Variants in NOS1 observed in about 807,000 individuals in gnomAD.
NOS1 encodes the protein nitric oxide synthase 1.
Under a neutral mutation model 164.5 loss-of-function variants are expected in NOS1, and 51 were observed. The ratio of observed to expected loss-of-function variants is 0.31; its 90% CI spans 0.25 to 0.39. NOS1 has a LOEUF of 0.39. Ranked by LOEUF, NOS1 falls within the 10% of genes least tolerant of loss-of-function variation. The probability of loss-of-function intolerance (pLI) is 1.00; values close to 1 mark genes in which losing one functional copy is unlikely to be tolerated. For synonymous variants in NOS1, 719 were observed against 745.8 expected (o/e 0.96, Z 0.59); for missense variants, 1,362 against 1,885.6 (o/e 0.72, Z 5.14).
intron 22 of NOS1, among the ~76,000 whole-genome samples, chr12:117,229,555 C>A (rs1315176786): frequency 2.2e-5 from 3 of 137,422 alleles, no homozygotes; most frequent in Non-Finnish European, 4.7e-5. Context: ...TGGGTTATAT[C>A]AAATTCTTCT....
At position 117,254,861 on chromosome 12, in the gene NOS1, A is replaced by G. The variant is rs146035485; in HGVS notation, c.2532-1107T>C. On this transcript the variant is annotated intron_variant, in intron 16 of 28. Coordinates refer to ENST00000317775, the MANE Select transcript of NOS1 (RefSeq NM_000620.5). ...GGACAGTGCTGGAGTATCCCATTCA[A>G]TACTGTCCTTCCATAAAGTTATGGT... is the stretch of plus-strand genomic sequence containing the variant. 7.6e-4 allele frequency among the ~76,000 whole-genome samples: 115 copies of G among 152,312 alleles called. 1 individual carries two copies. Among genetic ancestry groups the G allele is most frequent in the Middle Eastern group, 3.4e-3 (1 of 294 alleles).
intron 2 of NOS1, 106 bp from the exon 3 acceptor site, chr12:117,311,698 A>C: frequency 4.0e-6 from 5 of 1,248,966 alleles, no homozygotes; most frequent in Non-Finnish European, 5.5e-6. Context: ...TAGCTCACTC[A>C]CATAACTCCA....
chr12:117,326,984 T>G (rs1179054416), intron 2 of NOS1, among the ~76,000 whole-genome samples: 1 of 152,168 alleles, frequency 6.6e-6, no homozygotes, highest in Non-Finnish European at 1.5e-5. Flanking sequence ...GAGGGTGCAC[T>G]GGGATCCTCT....
At chr12:117,256,103 A>G in intron 16 of NOS1, 1 of 818,222 alleles carries the variant, frequency 1.2e-6, no homozygotes, top group Non-Finnish European at 1.8e-6. Flanking sequence ...ACCTGCTGGG[A>G]GGCCATCTAG....
At chr12:117,345,239 T>G (rs1222769796) in intron 1 of NOS1, among the ~76,000 whole-genome samples, 2 of 152,124 alleles carry the variant, frequency 1.3e-5, no homozygotes, top group African/African-American at 2.4e-5. Flanking sequence ...GCCAGGCTGG[T>G]CTCAAACCCC....
intron 14 of NOS1, among the ~76,000 whole-genome samples, chr12:117,259,600 T>C (rs1411700521): frequency 6.6e-6 from 1 of 152,176 alleles, no homozygotes; most frequent in Non-Finnish European, 1.5e-5. Context: ...AAGTCTGAGA[T>C]ATCTGCCTTC....
intron 18 of NOS1, among the ~76,000 whole-genome samples, chr12:117,244,962 T>C (rs997417667): frequency 4.6e-5 from 7 of 152,152 alleles, no homozygotes; most frequent in Non-Finnish European, 7.4e-5. Flanking sequence ...CCTTGCTTCC[T>C]GGTTGCTCAG....
At chr12:117,217,858 C>T (rs1007416719) in intron 28 of NOS1, among the ~76,000 whole-genome samples, 188 bp downstream of exon 28, 4 of 152,218 alleles carry the variant, frequency 2.6e-5, no homozygotes, top group Non-Finnish European at 2.9e-5. Flanking sequence ...CTGCTGCATC[C>T]TAACTCCTGA....
intron 3 of NOS1, among the ~76,000 whole-genome samples, chr12:117,303,234 G>T (rs1873942022): frequency 6.6e-6 from 1 of 152,128 alleles, no homozygotes; most frequent in African/African-American, 2.4e-5. Flanking sequence ...AGGCCAGTTG[G>T]TGTCATCCTG....
intron 20 of NOS1, among the ~76,000 whole-genome samples, chr12:117,235,296 A>G (rs1342415423): frequency 6.6e-6 from 1 of 152,112 alleles, no homozygotes; most frequent in Non-Finnish European, 1.5e-5. Context: ...CCTAGGGTTC[A>G]TCTGGATCTG....
chr12:117,283,878 A>AAAG (rs1873891682), intron 7 of NOS1, among the ~76,000 whole-genome samples: 1 of 148,968 alleles, frequency 6.7e-6, no homozygotes, highest in Admixed American at 6.7e-5. Context: ...AAAAAAAAAA[A>AAAG]GGAAATCCAC....
intron 3 of NOS1, among the ~76,000 whole-genome samples, chr12:117,308,000 T>TAAC (rs1874239617): frequency 6.6e-6 from 1 of 150,890 alleles, no homozygotes; most frequent in Non-Finnish European, 1.5e-5. Context: ...CAATAAATAA[T>TAAC]AATAATAATA....
intron 8 of NOS1, 80 bp downstream of exon 8, chr12:117,280,645 G>T: frequency 7.0e-7 from 1 of 1,425,094 alleles, no homozygotes; most frequent in Non-Finnish European, 9.5e-7. Flanking sequence ...TGTGATGATA[G>T]CATTAAGCCC....
chr12:117,294,959 C>T lies in NOS1; in HGVS notation c.853-4533G>A, dbSNP rs138165347. Among the ~76,000 whole-genome samples the T allele has an allele frequency of 5.3e-5, 8 of 152,320 alleles. No homozygotes were observed. The East Asian group carries it at 1.4e-3, about 26-fold the overall frequency. ...GAAGGAATGAAAGGAAATGGTCCTG[C>T]AGCCAGGCTCAAAAGGAGGCAGGGA... is the stretch of plus-strand genomic sequence containing the variant. On this transcript the variant is annotated intron_variant, in intron 3 of 28. Transcript: ENST00000317775.
Position 117,214,625 on chromosome 12 carries a change from C to T in NOS1, c.*684G>A. 1.0e-6 allele frequency: 1 copy of T among 985,408 alleles called. No individual in the cohort carries two copies. Among genetic ancestry groups the T allele is most frequent in the Non-Finnish European group, 1.2e-6 (1 of 829,946 alleles). The allele number at this position is 985,408 out of a possible 1,614,324, so 61.0% of individuals were successfully genotyped here. On this transcript the variant is annotated 3_prime_UTR_variant, in exon 29 of 29. Coordinates refer to ENST00000317775, the MANE Select transcript of NOS1 (RefSeq NM_000620.5). ...CCTTTAATCAATTTCCCACTCCTCT[C>T]CCCATGCCCTGAACCCTTTCTAACT... is the stretch of plus-strand genomic sequence containing the variant.
chr12:117,231,935 A>C, intron 22 of NOS1, 27 bp downstream of exon 22: 1 of 1,600,060 alleles, frequency 6.2e-7, no homozygotes, highest in East Asian at 2.3e-5. Flanking sequence ...TGCGCCCCCT[A>C]GGGTTGTGCG....
Position 117,330,569 on chromosome 12 carries a change from C to T in NOS1, c.501G>A (p.Gln167=), listed in dbSNP as rs762933221. The T allele has an allele frequency of 8.1e-6, 13 of 1,613,418 alleles. No individual in the cohort carries two copies. The highest frequency in any genetic ancestry group is 7.6e-6 in the Non-Finnish European group (9 of 1,179,870). ...TGGCATGGGGGAGTGAGCCAGCCTC[C>T]TGCCCATCATCGTAGGCATGCTGAG... is the stretch of plus-strand genomic sequence containing the variant. The part of the protein sequence containing the change: ...NGPQHAYDDG[Q]EAGSLPHANG... The change falls in exon 2 of 29, where the codon CAG becomes CAA. Residue 167 remains glutamine, a synonymous_variant. Transcript: ENST00000317775. This position sits in a 1 kb window ranked among gnomAD's most constrained non-coding sequence, Gnocchi z 4.6.
rs60470377 is a variant in NOS1, at chr12:117,214,833, T to TCACACA, written c.*470_*475dup. The TCACACA allele has an allele frequency of 8.7e-3, 8,339 of 955,306 alleles. 24 individuals are homozygous for TCACACA. The highest frequency in any genetic ancestry group is 0.022 in the African/African-American group (1,187 of 53,712). The allele number at this position is 955,306 out of a possible 1,614,324, so 59.2% of individuals were successfully genotyped here. On this transcript the variant is annotated 3_prime_UTR_variant, in exon 29 of 29. Transcript: ENST00000317775. Reference sequence around the variant, plus strand: ...AGAGGACGGACAGAGACCTGGCCCATCACACACACACACACACACACACAC... The same window carrying TCACACA: ...AGAGGACGGACAGAGACCTGGCCCATCACACACACACACACACACACACACACACAC...
At chr12:117,242,536 GCC>G in intron 20 of NOS1, 89 bp downstream of exon 20, 1 of 1,034,396 alleles carries the variant, frequency 9.7e-7, no homozygotes, top group South Asian at 1.3e-5. Flanking sequence ...TTGGAGAACA[GCC>G]AGTCCTTGGA....
Sources: allele counts gnomAD v4.1 joint callset (sites outside exome capture counted in the v4.1 genomes callset), GRCh38; gene constraint gnomAD v4.1.1; non-coding constraint Gnocchi (gnomAD v3.1); transcripts MANE v1.5; gene names NCBI Gene and HGNC (gene_info 2026-07-23, HGNC 2026-07-21).